Variants in DMD observed in about 807,000 individuals in gnomAD.
DMD encodes the protein mutant dystrophin.
Under a neutral mutation model 330.1 loss-of-function variants are expected in DMD, and 63 were observed. The observed-to-expected ratio is 0.19, with a 90% CI of 0.16 to 0.24. The LOEUF is 0.24. DMD is among the 10% of genes least tolerant of loss of function. DMD has a pLI of 1.00. For missense variants in DMD, 3,344 were observed against 2,684.1 expected (o/e 1.25, Z -5.43); for synonymous variants, 1,223 against 959.8 (o/e 1.27, Z -5.07).
intron 17 of DMD, among the ~76,000 whole-genome samples, chrX:32,535,332 C>T (rs2047853479): frequency 8.9e-6 from 1 of 111,874 alleles, no homozygotes; most frequent in Non-Finnish European, 1.9e-5. Context: ...CATTTCCCAA[C>T]ACCACTTGCC....
intron 55 of DMD, among the ~76,000 whole-genome samples, chrX:31,578,722 T>G (rs1015735266): frequency 1.8e-5 from 2 of 112,282 alleles, no homozygotes; most frequent in Non-Finnish European, 3.8e-5. Context: ...TGAAGCTTAT[T>G]GGTAGATACA....
At chrX:32,026,197 A>G (rs1004613606) in intron 44 of DMD, among the ~76,000 whole-genome samples, 1 of 112,369 alleles carries the variant, frequency 8.9e-6, no homozygotes, top group Non-Finnish European at 1.9e-5. Context: ...TAAATTTGAT[A>G]AAATGTTGCC....
chrX:32,795,784 A>T (rs2076139452), intron 7 of DMD, among the ~76,000 whole-genome samples: 1 of 111,957 alleles, frequency 8.9e-6, no homozygotes, highest in Admixed American at 9.5e-5. Context: ...AATCACATTA[A>T]AAATGGACAA....
At chrX:33,156,416 T>C (rs1244114978) in intron 1 of DMD, among the ~76,000 whole-genome samples, 1 of 112,102 alleles carries the variant, frequency 8.9e-6, no homozygotes, top group Non-Finnish European at 1.9e-5. Context: ...TCAAATATTT[T>C]AGGGCTTTGA....
chrX:32,071,112 C>T (rs2096293956), intron 44 of DMD, among the ~76,000 whole-genome samples: 1 of 110,931 alleles, frequency 9.0e-6, no homozygotes, highest in Admixed American at 9.6e-5. Flanking sequence ...GTGAATAGTG[C>T]CGCAATAAAC....
intron 1 of DMD, among the ~76,000 whole-genome samples, chrX:33,230,712 T>A (rs1246942435): frequency 9.0e-6 from 1 of 111,000 alleles, no homozygotes; most frequent in African/African-American, 3.3e-5. Flanking sequence ...TTGCTCTTAA[T>A]TATTTGTTTC....
chrX:32,747,305 C>A (rs752017715), intron 7 of DMD, among the ~76,000 whole-genome samples: 1 of 111,850 alleles, frequency 8.9e-6, no homozygotes, highest in Non-Finnish European at 1.9e-5. Context: ...GAGGATTAAC[C>A]TGTTTGGGAC....
At chrX:31,961,072 G>C (rs762406742) in intron 45 of DMD, among the ~76,000 whole-genome samples, 2 of 112,079 alleles carry the variant, frequency 1.8e-5, no homozygotes, top group Non-Finnish European at 3.8e-5. Context: ...GTGAGAGTAG[G>C]ATAAACAAAT....
chrX:32,257,816 T>C (rs180795579), intron 43 of DMD, among the ~76,000 whole-genome samples: 4 of 110,959 alleles, frequency 3.6e-5, no homozygotes, highest in African/African-American at 1.3e-4. Context: ...AATTGACAAA[T>C]GGGATCTAAT....
chrX:32,602,113 GT>G (rs1045469195), intron 12 of DMD, among the ~76,000 whole-genome samples: 1 of 111,945 alleles, frequency 8.9e-6, no homozygotes, highest in Non-Finnish European at 1.9e-5. Flanking sequence ...TACAGTAAGT[GT>G]TAAATCCTTA....
intron 50 of DMD, among the ~76,000 whole-genome samples, chrX:31,800,689 T>C (rs2092021912): frequency 8.9e-6 from 1 of 112,310 alleles, no homozygotes; most frequent in Non-Finnish European, 1.9e-5. Context: ...AGGCTGCAGA[T>C]TTTCCAAACT....
At chrX:32,060,808 A>AC (rs2096218177) in intron 44 of DMD, among the ~76,000 whole-genome samples, 1 of 111,316 alleles carries the variant, frequency 9.0e-6, no homozygotes, top group Non-Finnish European at 1.9e-5. Context: ...TTAAAGTTTC[A>AC]GGTTTGGAGC....
intron 44 of DMD, among the ~76,000 whole-genome samples, chrX:32,004,954 G>C (rs2095651398): frequency 9.0e-6 from 1 of 111,170 alleles, no homozygotes; most frequent in African/African-American, 3.3e-5. Context: ...TCTCATGCCT[G>C]CAAGTCAGCT....
chrX:32,474,212 C>T (rs761368185), intron 21 of DMD, among the ~76,000 whole-genome samples: 375 of 30,983 alleles, frequency 0.012, 1 homozygote, highest in African/African-American at 0.019. Flanking sequence ...CATACATACA[C>T]ACACACACAC....
chrX:31,648,359 C>A (rs752390492), intron 54 of DMD, among the ~76,000 whole-genome samples: 1 of 108,944 alleles, frequency 9.2e-6, no homozygotes, highest in South Asian at 3.9e-4. Context: ...ATCAAAAAGG[C>A]ACAATCTGGG....
intron 53 of DMD, among the ~76,000 whole-genome samples, chrX:31,666,101 G>A (rs1362920430): frequency 1.8e-5 from 2 of 111,795 alleles, no homozygotes; most frequent in Non-Finnish European, 3.8e-5. Flanking sequence ...GGGTGGAAAC[G>A]ATTCCAGAAA....
chrX:32,468,633 T>A lies in DMD; in HGVS notation c.3027A>T (p.Lys1009Asn), dbSNP rs965268691. Residue 1009 changes from lysine to asparagine, a missense_variant, in exon 23 of 79, where the codon AAA (lysine) becomes AAT (asparagine). Coordinates refer to ENST00000357033, the MANE Select transcript of DMD (RefSeq NM_004006.3). ...LSTTVKEMSKKAPSEISRKYQ... is the reference protein window; with the variant it reads ...LSTTVKEMSKNAPSEISRKYQ... ...ATTTCCGGCTAATTTCAGAGGGCGC[T>A]TTCTTCGACATCTCTTTCACAGTGG... 8.3e-7 allele frequency: 1 copy of A among 1,211,443 alleles called. No individual in the cohort carries two copies. The highest frequency in any genetic ancestry group is 2.2e-5 in the Admixed American group (1 of 45,906).
At position 32,502,920 on chromosome X, in the gene DMD, T is replaced by C. The variant is rs778371929; in HGVS notation, c.2293-1078A>G. 1.7e-3 allele frequency among the ~76,000 whole-genome samples: 188 copies of C among 111,434 alleles called. 2 individuals carry two copies. Among genetic ancestry groups the C allele is most frequent in the African/African-American group, 6.0e-3 (183 of 30,706 alleles). ...TGATCTGTATCTGTGTCATCCAATA[T>C]GATAGCCAATAACCACATGTGGGTA... On this transcript the variant is annotated intron_variant, in intron 18 of 78. Transcript: ENST00000357033.
At chrX:32,458,898 A>C (rs1193002871) in intron 25 of DMD, among the ~76,000 whole-genome samples, 1 of 111,285 alleles carries the variant, frequency 9.0e-6, no homozygotes, top group Non-Finnish European at 1.9e-5. Context: ...TTTGGATATT[A>C]ATCATTTGCC....
Sources: allele counts gnomAD v4.1 joint callset (sites outside exome capture counted in the v4.1 genomes callset), GRCh38; gene constraint gnomAD v4.1.1; transcripts MANE v1.5; gene names NCBI Gene and HGNC (gene_info 2026-07-23, HGNC 2026-07-21).